The following CELF5 variants were observed in gnomAD, a reference collection of about 807,000 sequenced individuals.
CELF5 encodes CUG-BP and ETR-3 like factor 5.
A neutral mutation model predicts 54.9 loss-of-function variants in CELF5; 6 were observed. The observed-to-expected ratio is 0.11, with a 90% CI of 0.06 to 0.22. The LOEUF (loss-of-function observed/expected upper bound fraction) is 0.22, where lower values mean the gene tolerates loss of function less well. Ranked by LOEUF, CELF5 falls within the 10% of genes least tolerant of loss-of-function variation. The pLI is 1.00. For missense variants in CELF5, 401 were observed against 678.6 expected (o/e 0.59, Z 4.54); for synonymous variants, 271 against 290.9 (o/e 0.93, Z 0.70).
At chr19:3,226,698 G>A (rs1599374654) in intron 1 of CELF5, among the ~76,000 whole-genome samples, 1 of 152,118 alleles carries the variant, frequency 6.6e-6, no homozygotes, top group African/African-American at 2.4e-5. Context: ...AAAGGCCGCT[G>A]GTTGAGCTCT....
chr19:3,233,156 A>C lies in CELF5; in HGVS notation c.259+8158A>C, dbSNP rs1390294788. 3.9e-5 allele frequency among the ~76,000 whole-genome samples: 6 copies of C among 152,128 alleles called. 1 individual carries two copies. The South Asian group carries it at 1.2e-3, about 32-fold the overall frequency. On this transcript the variant is annotated intron_variant, in intron 1 of 12. Transcript: ENST00000292672. ...TTTTAAAAAAGCTGCACGTGGTGGC[A>C]TGTGCCTAGAGCCCTAGCTGCTTGG...
At chr19:3,225,094 C>T in intron 1 of CELF5, 96 bp downstream of exon 1, 1 of 792,104 alleles carries the variant, frequency 1.3e-6, no homozygotes, top group Non-Finnish European at 1.9e-6. Flanking sequence ...CTCCTCTGCT[C>T]ACCTCCCTCC....
chr19:3,265,087 G>A (rs117031064), intron 2 of CELF5, among the ~76,000 whole-genome samples: 35,468 of 151,984 alleles, frequency 0.23, 4,399 homozygotes, highest in Middle Eastern at 0.3. Context: ...CTGTAATCCC[G>A]GTGCTTTGGG....
At chr19:3,233,796 G>A (rs1917388283) in intron 1 of CELF5, among the ~76,000 whole-genome samples, 1 of 152,214 alleles carries the variant, frequency 6.6e-6, no homozygotes, top group Admixed American at 6.5e-5. Flanking sequence ...GAGACCTGTG[G>A]CAGGGGAGGG....
chr19:3,279,323 C>A (rs1326131318), intron 5 of CELF5, among the ~76,000 whole-genome samples: 1 of 152,020 alleles, frequency 6.6e-6, no homozygotes, highest in Non-Finnish European at 1.5e-5. Flanking sequence ...CTGCCCTTCC[C>A]CCGAGGAAGG....
intron 2 of CELF5, among the ~76,000 whole-genome samples, chr19:3,253,109 AAAAG>A (rs2079673603): frequency 6.6e-6 from 1 of 151,976 alleles, no homozygotes; most frequent in Non-Finnish European, 1.5e-5. Context: ...ATTAAAAAAA[AAAAG>A]AAAGAAAGAA....
chr19:3,265,059 G>A (rs372035487), intron 2 of CELF5, among the ~76,000 whole-genome samples: 104 of 152,246 alleles, frequency 6.8e-4, no homozygotes, highest in African/African-American at 2.2e-3. Flanking sequence ...ATGGAAGGCC[G>A]GGCGCAGTGG....
At chr19:3,264,104 G>C (rs1028812283) in intron 2 of CELF5, among the ~76,000 whole-genome samples, 33 of 151,914 alleles carry the variant, frequency 2.2e-4, no homozygotes, top group African/African-American at 8.0e-4. Flanking sequence ...TCGGTAACAC[G>C]CCTTTGCTTT....
rs1308698640 is a variant in CELF5, at chr19:3,296,993, A to G, written c.*276A>G. ...GAAGCAGCAAAGCGTCTTAATGTTCAAAACGCCTCTCTTTGGTCTGGAGAA... is the reference window on the plus strand; with the variant it reads ...GAAGCAGCAAAGCGTCTTAATGTTCGAAACGCCTCTCTTTGGTCTGGAGAA... On this transcript the variant is annotated 3_prime_UTR_variant, in exon 13 of 13. Coordinates refer to ENST00000292672, the MANE Select transcript of CELF5 (RefSeq NM_021938.4). 6.8e-6 allele frequency: 1 copy of G among 147,580 alleles called. No individual in the cohort carries two copies. The highest frequency in any genetic ancestry group is 1.9e-4 in the East Asian group (1 of 5,136). 9.1% of individuals were successfully genotyped at this position (147,580 alleles called of 1,614,324 possible). A position where few individuals can be genotyped will look rare whatever the true frequency, so the allele number is the denominator to read the frequency against.
intron 1 of CELF5, among the ~76,000 whole-genome samples, chr19:3,244,828 GGT>G (rs1203188833): frequency 2.0e-5 from 3 of 149,168 alleles, no homozygotes; most frequent in African/African-American, 7.4e-5. Flanking sequence ...GTGCGTATGT[GGT>G]GTGTGTATGC....
intron 2 of CELF5, among the ~76,000 whole-genome samples, chr19:3,262,063 CTT>C (rs1410108953): frequency 6.6e-6 from 1 of 152,072 alleles, no homozygotes; most frequent in East Asian, 1.9e-4. Flanking sequence ...GAGACGGAGT[CTT>C]TCTCTGTACC....
intron 9 of CELF5, 48 bp from the exon 10 acceptor site, chr19:3,285,894 G>A: frequency 2.5e-6 from 2 of 815,500 alleles, no homozygotes; most frequent in Non-Finnish European, 3.1e-6. Flanking sequence ...GGCCGCCCAC[G>A]TGGCCTCACG....
intron 10 of CELF5, 96 bp downstream of exon 10, chr19:3,286,121 G>A (rs957396818): frequency 1.8e-6 from 2 of 1,124,928 alleles, no homozygotes; most frequent in African/African-American, 1.7e-5. Flanking sequence ...TCTGGGACCC[G>A]CGGGGCTGAG....
chr19:3,259,033 C>A (rs1027431317), intron 2 of CELF5, among the ~76,000 whole-genome samples: 2 of 151,982 alleles, frequency 1.3e-5, no homozygotes, highest in Non-Finnish European at 2.9e-5. Context: ...CCTGCGTGGA[C>A]GATTTAGTGA....
chr19:3,266,174 G>A (rs78754690), intron 2 of CELF5, among the ~76,000 whole-genome samples: 2,943 of 152,278 alleles, frequency 0.019, 43 homozygotes, highest in Middle Eastern at 0.041. Flanking sequence ...AGAGTGGGAC[G>A]TTTCGGGTCA....
intron 2 of CELF5, among the ~76,000 whole-genome samples, chr19:3,251,375 G>T (rs922487324): frequency 3.3e-5 from 5 of 152,186 alleles, no homozygotes; most frequent in African/African-American, 7.2e-5. Context: ...GGAAGCATTA[G>T]CAGGCAGAGG....
intron 2 of CELF5, among the ~76,000 whole-genome samples, chr19:3,270,206 C>A (rs776312607): frequency 6.6e-6 from 1 of 152,148 alleles, no homozygotes; most frequent in Non-Finnish European, 1.5e-5. Context: ...GTGAAGGGTC[C>A]TTCCTGGAGT....
chr19:3,265,025 A>C (rs1334681374), intron 2 of CELF5, among the ~76,000 whole-genome samples: 1 of 152,078 alleles, frequency 6.6e-6, no homozygotes, highest in Non-Finnish European at 1.5e-5. Flanking sequence ...GTTTTACTTA[A>C]TTTAATGATG....
At chr19:3,284,729 T>TG (rs1202653635) in intron 8 of CELF5, 173 bp from the exon 9 acceptor site, 1 of 629,280 alleles carries the variant, frequency 1.6e-6, no homozygotes, top group Non-Finnish European at 2.9e-6. Context: ...TGAGTGGCCC[T>TG]GTGCAAGTGG....
Sources: gnomAD v4.1 joint callset for allele counts (sites outside exome capture counted in the v4.1 genomes callset) on GRCh38, gnomAD v4.1.1 for gene constraint, MANE v1.5 for transcripts, NCBI Gene and HGNC (gene_info 2026-07-23, HGNC 2026-07-21) for gene names.